Variants in GPR158 observed in about 807,000 individuals in gnomAD.
The protein encoded by GPR158 is metabotropic glycine receptor.
A neutral mutation model predicts 78.2 loss-of-function variants in GPR158; 30 were observed. The observed-to-expected ratio is 0.38, with a 90% CI of 0.29 to 0.52. The LOEUF (loss-of-function observed/expected upper bound fraction) is 0.52, where lower values mean the gene tolerates loss of function less well. GPR158 is among the 20% of genes least tolerant of loss of function. The pLI is 0.83. For synonymous variants in GPR158, 581 were observed against 591.1 expected (o/e 0.98, Z 0.25); for missense variants, 1,463 against 1,523.5 (o/e 0.96, Z 0.66).
chr10:25,482,191 C>CT (rs35421975), intron 5 of GPR158, among the ~76,000 whole-genome samples: 6 of 151,844 alleles, frequency 4.0e-5, no homozygotes, highest in Admixed American at 3.3e-4. Context: ...AAATTCTATT[C>CT]TTTTTTTTAA....
At chr10:25,357,696 G>C (rs1205245645) in intron 2 of GPR158, among the ~76,000 whole-genome samples, 3 of 152,112 alleles carry the variant, frequency 2.0e-5, no homozygotes, top group Non-Finnish European at 2.9e-5. Flanking sequence ...GAAATGCCTG[G>C]ATGTCCAGGC....
chr10:25,444,210 A>G (rs936650425), intron 4 of GPR158, among the ~76,000 whole-genome samples: 1 of 148,572 alleles, frequency 6.7e-6, no homozygotes, highest in Admixed American at 6.7e-5. Context: ...AAACCTGAAT[A>G]CTTCAGAGAG....
chr10:25,260,688 C>T (rs1459117215), intron 2 of GPR158, among the ~76,000 whole-genome samples: 1 of 152,024 alleles, frequency 6.6e-6, no homozygotes, highest in Non-Finnish European at 1.5e-5. Flanking sequence ...CTAATCTCAC[C>T]TCCTACCCTA....
At chr10:25,279,243 C>G (rs563008605) in intron 2 of GPR158, among the ~76,000 whole-genome samples, 11 of 152,200 alleles carry the variant, frequency 7.2e-5, no homozygotes, top group African/African-American at 2.6e-4. Context: ...CAGCCATGTT[C>G]TGATTGCTGT....
intron 5 of GPR158, among the ~76,000 whole-genome samples, chr10:25,520,976 T>C (rs1836258254): frequency 6.6e-6 from 1 of 152,198 alleles, no homozygotes; most frequent in South Asian, 2.1e-4. Context: ...CGCTGGCGCC[T>C]TGCAGTTTGA....
intron 2 of GPR158, among the ~76,000 whole-genome samples, chr10:25,365,822 C>T (rs927591869): frequency 4.0e-5 from 6 of 151,556 alleles, no homozygotes; most frequent in Non-Finnish European, 5.9e-5. Flanking sequence ...AGAGAACGTA[C>T]TTCGAGAGAA....
At chr10:25,466,757 T>C in intron 5 of GPR158, 38 bp downstream of exon 5, 1 of 1,156,860 alleles carries the variant, frequency 8.6e-7, no homozygotes, top group Non-Finnish European at 1.3e-6. Flanking sequence ...TAGAAATTTA[T>C]TTTATGTTGC....
intron 2 of GPR158, among the ~76,000 whole-genome samples, chr10:25,274,416 T>G (rs1016142532): frequency 2.0e-5 from 3 of 152,354 alleles, no homozygotes; most frequent in South Asian, 4.1e-4. Flanking sequence ...ATTGAAGAGA[T>G]AGTTTTATAT....
In GPR158 at chr10:25,176,445, TAGAGACCCGGGCTG is replaced by T. The variant is rs1362102346; in HGVS notation, c.902+126_902+139del. ...ACGCGAACGCTTCTCACCCTCAGAG[TAGAGACCCGGGCTG>T]AGGGACACCCCACGCGGGCGCGGGT... On this transcript the variant is annotated intron_variant, in intron 1 of 10. Coordinates refer to ENST00000376351, the MANE Select transcript of GPR158 (RefSeq NM_020752.3). The surrounding 1 kb of genome is among the most constrained non-coding windows in gnomAD (Gnocchi z 6.3). 12 of 822,942 alleles carry T rather than the reference TAGAGACCCGGGCTG, an allele frequency of 1.5e-5. No homozygotes were observed. The highest frequency in any genetic ancestry group is 2.2e-5 in the Non-Finnish European group (12 of 543,796). 51.0% of individuals were successfully genotyped at this position (822,942 alleles called of 1,614,324 possible). A position where few individuals can be genotyped will look rare whatever the true frequency, so the allele number is the denominator to read the frequency against.
chr10:25,449,777 T>G (rs1326612065), intron 4 of GPR158, among the ~76,000 whole-genome samples: 1 of 152,222 alleles, frequency 6.6e-6, no homozygotes, highest in African/African-American at 2.4e-5. Flanking sequence ...GATATGCTAA[T>G]TAGCTTGATT....
Position 25,175,068 on chromosome 10 carries a change from A to G in GPR158, c.-353A>G. 4.6e-6 allele frequency: 1 copy of G among 218,702 alleles called. No individual in the cohort carries two copies. The allele number at this position is 218,702 out of a possible 1,614,324, so 13.5% of individuals were successfully genotyped here. ...CAGCTTCTGAACGCGCCTCAATGAG[A>G]GCGGCGGTGGCGGCAGCCGGGCCGA... On this transcript the variant is annotated 5_prime_UTR_variant, in exon 1 of 11. Coordinates refer to ENST00000376351, the MANE Select transcript of GPR158 (RefSeq NM_020752.3). This position sits in a 1 kb window ranked among gnomAD's most constrained non-coding sequence, Gnocchi z 6.4.
chr10:25,438,858 A>G (rs1835032160), intron 4 of GPR158, among the ~76,000 whole-genome samples: 1 of 152,220 alleles, frequency 6.6e-6, no homozygotes. Context: ...TTAGCAAACT[A>G]TGGCTTGCTG....
At chr10:25,535,324 C>G (rs1348682141) in intron 5 of GPR158, among the ~76,000 whole-genome samples, 2 of 152,172 alleles carry the variant, frequency 1.3e-5, no homozygotes, top group Non-Finnish European at 2.9e-5. Context: ...TTACAACTTT[C>G]ATCTTGCTAG....
chr10:25,223,991 AC>A (rs1341477379), intron 2 of GPR158, among the ~76,000 whole-genome samples: 8 of 152,206 alleles, frequency 5.3e-5, no homozygotes, highest in Non-Finnish European at 1.2e-4. Flanking sequence ...GATGTTGGAA[AC>A]AGATAAGTGA....
intron 2 of GPR158, among the ~76,000 whole-genome samples, chr10:25,358,104 G>T (rs957745228): frequency 6.6e-6 from 1 of 152,084 alleles, no homozygotes; most frequent in Non-Finnish European, 1.5e-5. Context: ...GGGGCCTGTA[G>T]CCCCTTTGTT....
intron 4 of GPR158, among the ~76,000 whole-genome samples, chr10:25,420,147 A>C (rs72780192): frequency 1.1e-4 from 17 of 151,816 alleles, no homozygotes; most frequent in African/African-American, 4.1e-4. Context: ...TGAAGCCCCA[A>C]AGTTATTTAT....
chr10:25,393,768 A>G (rs1044156966), intron 2 of GPR158: 1 of 152,224 alleles, frequency 6.6e-6, no homozygotes, highest in Non-Finnish European at 1.5e-5. Flanking sequence ...GACACTTGCC[A>G]AGTCAGCCAG....
chr10:25,235,759 A>G (rs910405051), intron 2 of GPR158, among the ~76,000 whole-genome samples: 3 of 148,926 alleles, frequency 2.0e-5, no homozygotes, highest in South Asian at 4.3e-4. Flanking sequence ...TGCAGTGGCA[A>G]GATCTCAGTT....
intron 1 of GPR158, among the ~76,000 whole-genome samples, chr10:25,206,881 C>G (rs187553769): frequency 6.7e-6 from 1 of 150,330 alleles, no homozygotes; most frequent in Non-Finnish European, 1.5e-5. Flanking sequence ...TTATTCTTGA[C>G]TATTTTATGG....
Sources: gnomAD v4.1 joint callset for allele counts (sites outside exome capture counted in the v4.1 genomes callset) on GRCh38, gnomAD v4.1.1 for gene constraint, Gnocchi (gnomAD v3.1) non-coding constraint, MANE v1.5 for transcripts, NCBI Gene and HGNC (gene_info 2026-07-23, HGNC 2026-07-21) for gene names.